DNM3: variants seen among roughly 807,000 people sequenced by gnomAD.
DNM3 encodes dynamin 3, also known as dynamin-3.
DNM3 carries 47 observed loss-of-function variants against 101.6 expected under a neutral mutation model. That is an observed-to-expected ratio of 0.46 (90% CI 0.37 to 0.59). DNM3 has a LOEUF of 0.59. Ranked by LOEUF, DNM3 falls within the 20% of genes least tolerant of loss-of-function variation. The pLI is 0.00. For missense variants in DNM3, 849 were observed against 1,085.7 expected (o/e 0.78, Z 3.06); for synonymous variants, 385 against 387.9 (o/e 0.99, Z 0.09).
intron 14 of DNM3, among the ~76,000 whole-genome samples, chr1:172,189,831 G>A (rs2059643351): frequency 6.6e-6 from 1 of 151,848 alleles, no homozygotes; most frequent in Non-Finnish European, 1.5e-5. Flanking sequence ...GAGAGAGGGA[G>A]CAAGAAAGAG....
At chr1:171,887,609 A>G (rs2036889884) in intron 1 of DNM3, among the ~76,000 whole-genome samples, 1 of 152,012 alleles carries the variant, frequency 6.6e-6, no homozygotes, top group African/African-American at 2.4e-5. Flanking sequence ...CTTAAGATAA[A>G]CCTTTAATTA....
chr1:172,357,266 A>G (rs529430022), intron 17 of DNM3, among the ~76,000 whole-genome samples: 13 of 152,228 alleles, frequency 8.5e-5, no homozygotes, highest in African/African-American at 3.1e-4. Flanking sequence ...AGCCTCAAAT[A>G]TCACCCGCAA....
intron 16 of DNM3, among the ~76,000 whole-genome samples, chr1:172,320,827 T>C (rs2148908069): frequency 1.3e-5 from 2 of 152,298 alleles, no homozygotes; most frequent in Middle Eastern, 3.4e-3. Context: ...ACAAGCCTGC[T>C]CTCAGATGCG....
At chr1:172,349,939 A>G (rs1443896509) in intron 17 of DNM3, among the ~76,000 whole-genome samples, 2 of 152,198 alleles carry the variant, frequency 1.3e-5, no homozygotes, top group Admixed American at 6.5e-5. Context: ...CCTCATGTAT[A>G]TAGAAAACTC....
intron 2 of DNM3, among the ~76,000 whole-genome samples, chr1:171,950,578 A>T (rs2042457865): frequency 6.6e-6 from 1 of 152,204 alleles, no homozygotes; most frequent in Non-Finnish European, 1.5e-5. Flanking sequence ...ACATAACTTC[A>T]TTGTAAGTCA....
At chr1:172,037,149 G>A (rs1220620918) in intron 6 of DNM3, among the ~76,000 whole-genome samples, 1 of 152,064 alleles carries the variant, frequency 6.6e-6, no homozygotes, top group African/African-American at 2.4e-5. Context: ...AACAGGTGCT[G>A]CAGAGGATGT....
chr1:172,106,667 G>T (rs1178861397), intron 13 of DNM3, among the ~76,000 whole-genome samples: 2 of 151,782 alleles, frequency 1.3e-5, no homozygotes, highest in Non-Finnish European at 1.5e-5. Flanking sequence ...CATCAAAAAT[G>T]GGCATTGAAT....
intron 6 of DNM3, among the ~76,000 whole-genome samples, chr1:172,036,220 T>C (rs1362289702): frequency 7.1e-6 from 1 of 140,850 alleles, no homozygotes; most frequent in Admixed American, 7.6e-5. Context: ...GTGTTCTCAT[T>C]GTTCAATTCC....
intron 14 of DNM3, among the ~76,000 whole-genome samples, chr1:172,199,615 G>A (rs2060079474): frequency 6.6e-6 from 1 of 151,968 alleles, no homozygotes; most frequent in Admixed American, 6.6e-5. Flanking sequence ...TATATGTTTA[G>A]GATAGTCTTC....
At chr1:172,098,555 A>G (rs1346429524) in intron 13 of DNM3, among the ~76,000 whole-genome samples, 2 of 152,244 alleles carry the variant, frequency 1.3e-5, no homozygotes, top group African/African-American at 2.4e-5. Context: ...TCCTCAGCTT[A>G]CGAAGATGAC....
intron 10 of DNM3, among the ~76,000 whole-genome samples, chr1:172,060,068 C>A (rs1186404789): frequency 6.6e-6 from 1 of 151,922 alleles, no homozygotes; most frequent in African/African-American, 2.4e-5. Context: ...AAACAGAGAG[C>A]TAAATCATGA....
chr1:172,257,837 T>C (rs980821123), intron 15 of DNM3, among the ~76,000 whole-genome samples: 13 of 151,192 alleles, frequency 8.6e-5, no homozygotes, highest in African/African-American at 3.2e-4. Context: ...TTTGTACCCA[T>C]TAGCCAACCT....
intron 17 of DNM3, among the ~76,000 whole-genome samples, chr1:172,336,513 T>G: frequency 6.7e-6 from 1 of 149,242 alleles, no homozygotes; most frequent in African/African-American, 2.4e-5. Flanking sequence ...ATATAAATTT[T>G]ATAATTTATA....
intron 14 of DNM3, among the ~76,000 whole-genome samples, chr1:172,166,208 T>C (rs898474583): frequency 2.0e-5 from 3 of 152,088 alleles, no homozygotes; most frequent in Admixed American, 1.3e-4. Context: ...AAATGCTCAA[T>C]ATATGTGTGC....
At chr1:172,277,798 T>C (rs2063344028) in intron 15 of DNM3, among the ~76,000 whole-genome samples, 1 of 152,086 alleles carries the variant, frequency 6.6e-6, no homozygotes, top group Non-Finnish European at 1.5e-5. Flanking sequence ...ATTATGTGAC[T>C]GTGATTTTCC....
At chr1:172,007,869 G>A (rs942648884) in intron 4 of DNM3, among the ~76,000 whole-genome samples, 4 of 152,038 alleles carry the variant, frequency 2.6e-5, no homozygotes, top group African/African-American at 9.7e-5. Context: ...GGGCTCAAGC[G>A]GTTCTCCCAT....
chr1:172,101,319 T>G (rs2054623765), intron 13 of DNM3, among the ~76,000 whole-genome samples: 1 of 152,194 alleles, frequency 6.6e-6, no homozygotes, highest in Non-Finnish European at 1.5e-5. Flanking sequence ...AATTCATGAC[T>G]TTCCCCTTCT....
intron 17 of DNM3, among the ~76,000 whole-genome samples, chr1:172,349,481 C>T (rs1452671857): frequency 6.6e-6 from 1 of 152,170 alleles, no homozygotes; most frequent in East Asian, 1.9e-4. Flanking sequence ...CCTAGTTTGC[C>T]TAAGAATAAG....
chr1:172,218,237 G>A (rs1051117600), intron 14 of DNM3, among the ~76,000 whole-genome samples: 1 of 152,056 alleles, frequency 6.6e-6, no homozygotes, highest in South Asian at 2.1e-4. Context: ...CTTAAGAAAA[G>A]CAATTAATAA....
Sources: gnomAD v4.1 joint callset for allele counts (sites outside exome capture counted in the v4.1 genomes callset) on GRCh38, gnomAD v4.1.1 for gene constraint, MANE v1.5 for transcripts, NCBI Gene and HGNC (gene_info 2026-07-23, HGNC 2026-07-21) for gene names.